Variants in CNTNAP3 observed in about 807,000 individuals in gnomAD.
CNTNAP3 encodes contactin-associated protein-like 3.
CNTNAP3 carries 36 observed loss-of-function variants against 92.1 expected under a neutral mutation model. The ratio of observed to expected loss-of-function variants is 0.39; its 90% CI spans 0.30 to 0.52. CNTNAP3 has a LOEUF of 0.52. Among genes scored for constraint, CNTNAP3 ranks in the 20% least tolerant of loss-of-function variants. CNTNAP3 has a pLI of 0.76. For missense variants in CNTNAP3, 534 were observed against 1,069.6 expected (o/e 0.50, Z 6.98); for synonymous variants, 232 against 422.3 (o/e 0.55, Z 5.53).
intron 18 of CNTNAP3, among the ~76,000 whole-genome samples, chr9:39,096,765 G>A (rs1300320106): frequency 1.3e-5 from 2 of 151,664 alleles, no homozygotes; most frequent in African/African-American, 2.4e-5. Flanking sequence ...TGATCCTGGC[G>A]TTTCCTTGTA....
chr9:39,128,664 T>C (rs1486041668), intron 13 of CNTNAP3, among the ~76,000 whole-genome samples: 1 of 152,072 alleles, frequency 6.6e-6, no homozygotes, highest in African/African-American at 2.4e-5. Context: ...AACCTAGGAT[T>C]GAAAGTCTAG....
intron 19 of CNTNAP3, among the ~76,000 whole-genome samples, chr9:39,087,680 G>A (rs1826093921): frequency 1.3e-5 from 2 of 152,232 alleles, no homozygotes; most frequent in South Asian, 2.1e-4. Context: ...TAGAGATGGG[G>A]TTTCACTGTG....
At chr9:39,106,868 C>T (rs893529034) in intron 15 of CNTNAP3, among the ~76,000 whole-genome samples, 5 of 152,074 alleles carry the variant, frequency 3.3e-5, no homozygotes, top group Non-Finnish European at 5.9e-5. Context: ...ACCCTCCATG[C>T]TTCAGTGTGA....
intron 12 of CNTNAP3, 83 bp from the exon 13 acceptor site, chr9:39,133,218 G>T: frequency 6.9e-7 from 1 of 1,448,524 alleles, no homozygotes; most frequent in Non-Finnish European, 9.3e-7. Context: ...TCTTTTATGT[G>T]AATTAACGTT....
intron 10 of CNTNAP3, among the ~76,000 whole-genome samples, chr9:39,146,786 T>A (rs1020142826): frequency 6.6e-6 from 1 of 152,222 alleles, no homozygotes; most frequent in African/African-American, 2.4e-5. Context: ...ATTTTTTGTG[T>A]AGCTTAAAAT....
intron 11 of CNTNAP3, among the ~76,000 whole-genome samples, 190 bp downstream of exon 11, chr9:39,144,050 G>A (rs540073827): frequency 2.6e-5 from 4 of 152,152 alleles, no homozygotes; most frequent in Admixed American, 2.6e-4. Flanking sequence ...TGCGTACCAC[G>A]TATTTCTGTG....
intron 14 of CNTNAP3, among the ~76,000 whole-genome samples, chr9:39,112,458 A>G (rs1826772491): frequency 6.6e-6 from 1 of 152,064 alleles, no homozygotes; most frequent in Non-Finnish European, 1.5e-5. Context: ...CTCCACCCCC[A>G]GGATTCAAGC....
In CNTNAP3 at chr9:39,086,625, C is replaced by T. The variant is rs1314360118; in HGVS notation, c.3354+91G>A. ...GAAGAGCAGCACTGAATGGGTTGCT[C>T]TTCTATTAATATTATCAAATTTTTT... On this transcript the variant is annotated intron_variant, in intron 20 of 23. Coordinates refer to ENST00000297668, the MANE Select transcript of CNTNAP3 (RefSeq NM_033655.5). 2.8e-5 allele frequency: 39 copies of T among 1,398,286 alleles called. 2 individuals are homozygous for T. The highest frequency in any genetic ancestry group is 3.6e-5 in the Non-Finnish European group (37 of 1,041,074). 86.6% of individuals were successfully genotyped at this position (1,398,286 alleles called of 1,614,324 possible).
In CNTNAP3 at chr9:39,111,118, A is replaced by G. The variant is rs1390995666; in HGVS notation, c.2238-1831T>C. On this transcript the variant is annotated intron_variant, in intron 14 of 23. Coordinates refer to ENST00000297668, the MANE Select transcript of CNTNAP3 (RefSeq NM_033655.5). ...CTATTTTGATACTAGAATACAATGCATAATGATCAAATCAGGATAACTGGG... is the reference window on the plus strand; with the variant it reads ...CTATTTTGATACTAGAATACAATGCGTAATGATCAAATCAGGATAACTGGG... 2.0e-5 allele frequency among the ~76,000 whole-genome samples: 3 copies of G among 152,232 alleles called. No individual in the cohort carries two copies. In the East Asian group the frequency reaches 5.8e-4, roughly 29 times the overall value.
At chr9:39,132,132 C>A in intron 13 of CNTNAP3, among the ~76,000 whole-genome samples, 1 of 151,914 alleles carries the variant, frequency 6.6e-6, no homozygotes, top group Non-Finnish European at 1.5e-5. Flanking sequence ...GTGATCCTCC[C>A]GCCTATATAC....
chr9:39,137,018 G>A (rs530641893), intron 12 of CNTNAP3, among the ~76,000 whole-genome samples: 6 of 151,808 alleles, frequency 4.0e-5, no homozygotes, highest in African/African-American at 1.4e-4. Flanking sequence ...TTTGTGGTTT[G>A]GTGTCTGATA....
At chr9:39,179,286 T>TACACAC (rs4057871) in intron 4 of CNTNAP3, among the ~76,000 whole-genome samples, 8,935 of 80,734 alleles carry the variant, frequency 0.11, 877 homozygotes, top group Admixed American at 0.13. Context: ...TCTCTCTCTC[T>TACACAC]ACACACACAC....
At chr9:39,109,616 G>C (rs1249476308) in intron 14 of CNTNAP3, among the ~76,000 whole-genome samples, 3 of 152,108 alleles carry the variant, frequency 2.0e-5, no homozygotes, top group Non-Finnish European at 4.4e-5. Flanking sequence ...TATGAAATCT[G>C]AATTTCATAC....
chr9:39,128,174 T>C (rs1020635042), intron 13 of CNTNAP3, among the ~76,000 whole-genome samples: 2 of 151,956 alleles, frequency 1.3e-5, no homozygotes, highest in African/African-American at 4.8e-5. Context: ...TAAATAAAAA[T>C]TAAAGTCAAT....
At chr9:39,184,496 G>GTGA (rs1218957868) in intron 4 of CNTNAP3, among the ~76,000 whole-genome samples, 3 of 113,116 alleles carry the variant, frequency 2.7e-5, no homozygotes, top group Non-Finnish European at 5.3e-5. Context: ...CTAAAGACTA[G>GTGA]TGATGATTCA....
intron 15 of CNTNAP3, among the ~76,000 whole-genome samples, chr9:39,107,366 AAGGGAGGGAGAGAAAG>A (rs1554715802): frequency 6.9e-6 from 1 of 145,752 alleles, no homozygotes; most frequent in Admixed American, 6.8e-5. Flanking sequence ...GGGAGGGAGG[AAGGGAGGGAGAGAAAG>A]AGGGAGGGAG....
intron 21 of CNTNAP3, among the ~76,000 whole-genome samples, chr9:39,083,485 C>T (rs1825994228): frequency 6.6e-6 from 1 of 151,914 alleles, no homozygotes; most frequent in South Asian, 2.1e-4. Context: ...ATGATGAAAC[C>T]CCGTCTCTAC....
intron 16 of CNTNAP3, among the ~76,000 whole-genome samples, chr9:39,103,460 T>C (rs1826518180): frequency 6.6e-6 from 1 of 151,836 alleles, no homozygotes; most frequent in Non-Finnish European, 1.5e-5. Context: ...TGCCTGCCTA[T>C]AGTCCCAGCT....
intron 13 of CNTNAP3, among the ~76,000 whole-genome samples, chr9:39,125,212 C>T (rs1218605152): frequency 6.6e-6 from 1 of 151,970 alleles, no homozygotes; most frequent in Non-Finnish European, 1.5e-5. Flanking sequence ...TTTGTAGGGC[C>T]ATGGATGAAG....
Sources: gnomAD v4.1 joint callset for allele counts (sites outside exome capture counted in the v4.1 genomes callset) on GRCh38, gnomAD v4.1.1 for gene constraint, MANE v1.5 for transcripts, NCBI Gene and HGNC (gene_info 2026-07-23, HGNC 2026-07-21) for gene names.